STON2: variants seen among roughly 807,000 people sequenced by gnomAD.
The protein encoded by STON2 is stonin-2.
STON2 carries 29 observed loss-of-function variants against 65.7 expected under a neutral mutation model. That is an observed-to-expected ratio of 0.44 (90% CI 0.33 to 0.60). STON2 has a LOEUF of 0.60. Among genes scored for constraint, STON2 ranks in the 20% least tolerant of loss-of-function variants. The pLI is 0.03. For synonymous variants in STON2, 404 were observed against 414.2 expected (o/e 0.98, Z 0.30); for missense variants, 1,054 against 1,118.1 (o/e 0.94, Z 0.82).
Position 81,265,090 on chromosome 14 carries a change from T to A in STON2, c.*3324A>T, listed in dbSNP as rs1397965248. The A allele has an allele frequency of 6.2e-5, 61 of 981,446 alleles. No homozygotes were observed. The highest frequency in any genetic ancestry group is 2.4e-4 in the South Asian group (5 of 21,184). The allele number at this position is 981,446 out of a possible 1,614,324, so 60.8% of individuals were successfully genotyped here. Reference sequence around the variant, plus strand: ...TATTTGTGACCACAAAAAAAAAAAATAAAAAGTCCAGGTCCAGGGTTGCAA... The same window carrying A: ...TATTTGTGACCACAAAAAAAAAAAAAAAAAAGTCCAGGTCCAGGGTTGCAA... On this transcript the variant is annotated 3_prime_UTR_variant, in exon 8 of 8. Coordinates refer to ENST00000614646, the MANE Select transcript of STON2 (RefSeq NM_001394390.1).
At chr14:81,330,323 C>A (rs1463626766) in intron 4 of STON2, among the ~76,000 whole-genome samples, 3 of 152,156 alleles carry the variant, frequency 2.0e-5, no homozygotes, top group African/African-American at 7.2e-5. Flanking sequence ...TCATGGTGGC[C>A]ACTCACAAGC....
chr14:81,413,190 T>C, intron 2 of STON2: 1 of 1,539,504 alleles, frequency 6.5e-7, no homozygotes, highest in Non-Finnish European at 8.7e-7. Flanking sequence ...AAACACTTCA[T>C]CTACTTCTAC....
chr14:81,355,545 G>C (rs1223706073), intron 4 of STON2, among the ~76,000 whole-genome samples: 1 of 152,098 alleles, frequency 6.6e-6, no homozygotes, highest in African/African-American at 2.4e-5. Flanking sequence ...GTTCAACAAA[G>C]CTGCCTCTGA....
At chr14:81,281,402 C>T (rs1388195593) in intron 5 of STON2, among the ~76,000 whole-genome samples, 1 of 152,156 alleles carries the variant, frequency 6.6e-6, no homozygotes, top group African/African-American at 2.4e-5. Flanking sequence ...GAAAGGGGTA[C>T]ATCTCAAAAC....
In STON2 at chr14:81,314,264, C is replaced by T. The variant is rs145155693; in HGVS notation, c.742+9753G>A. ...GGTGCCCAACCCAGTGCCCTTTTGA[C>T]TACACTGGCACAAGAACGGCAGTTT... On this transcript the variant is annotated intron_variant, in intron 5 of 7. Coordinates refer to ENST00000614646, the MANE Select transcript of STON2 (RefSeq NM_001394390.1). 4.0e-4 allele frequency among the ~76,000 whole-genome samples: 61 copies of T among 152,336 alleles called. 1 individual carries two copies. In the South Asian group the frequency reaches 0.011, roughly 27 times the overall value.
intron 4 of STON2, among the ~76,000 whole-genome samples, chr14:81,351,349 G>A (rs1898017272): frequency 6.6e-6 from 1 of 152,030 alleles, no homozygotes; most frequent in African/African-American, 2.4e-5. Context: ...TATTGCCCTG[G>A]AGGACTGAAG....
intron 4 of STON2, among the ~76,000 whole-genome samples, chr14:81,328,709 T>C (rs76967813): frequency 0.012 from 1,886 of 152,230 alleles, 36 homozygotes; most frequent in African/African-American, 0.043. Context: ...GGATGCCTCA[T>C]GAACAGATCA....
chr14:81,300,770 T>C (rs1895940068), intron 5 of STON2, among the ~76,000 whole-genome samples: 1 of 152,140 alleles, frequency 6.6e-6, no homozygotes, highest in African/African-American at 2.4e-5. Flanking sequence ...TTAAAAATGG[T>C]TTAAATGATA....
intron 4 of STON2, among the ~76,000 whole-genome samples, chr14:81,350,051 A>T (rs946057179): frequency 9.9e-5 from 15 of 152,152 alleles, no homozygotes; most frequent in Non-Finnish European, 2.1e-4. Context: ...TAGTGAGTAG[A>T]ATCACAGTTA....
intron 5 of STON2, among the ~76,000 whole-genome samples, chr14:81,310,471 T>G (rs1896379348): frequency 6.6e-6 from 1 of 152,174 alleles, no homozygotes; most frequent in Admixed American, 6.5e-5. Flanking sequence ...CCCCATTCAA[T>G]GTGGTCAACA....
chr14:81,359,084 A>G (rs779686377), intron 4 of STON2, among the ~76,000 whole-genome samples: 2 of 152,218 alleles, frequency 1.3e-5, no homozygotes, highest in Non-Finnish European at 2.9e-5. Context: ...GCAACAGAAT[A>G]TACATTCTTC....
intron 3 of STON2, among the ~76,000 whole-genome samples, chr14:81,376,229 TA>T (rs1483724452): frequency 6.6e-6 from 1 of 151,638 alleles, no homozygotes; most frequent in African/African-American, 2.4e-5. Context: ...AATACACAGA[TA>T]AAATGTTCTT....
At chr14:81,386,947 G>A (rs1569011) in intron 3 of STON2, among the ~76,000 whole-genome samples, 87,590 of 151,926 alleles carry the variant, frequency 0.58, 27,402 homozygotes, top group African/African-American at 0.82. Context: ...ATGATAGATG[G>A]GCTGACTGCT....
chr14:81,332,194 G>C (rs959759934), intron 4 of STON2, among the ~76,000 whole-genome samples: 1 of 152,104 alleles, frequency 6.6e-6, no homozygotes, highest in South Asian at 2.1e-4. Flanking sequence ...GGCACTTTTC[G>C]GGCCAGATCT....
At chr14:81,377,440 G>A (rs1414177560) in intron 3 of STON2, among the ~76,000 whole-genome samples, 4 of 152,046 alleles carry the variant, frequency 2.6e-5, no homozygotes, top group East Asian at 3.9e-4. Flanking sequence ...GCTGTTTTTG[G>A]TTCTTAGCTA....
intron 5 of STON2, among the ~76,000 whole-genome samples, chr14:81,301,221 T>G (rs1336109565): frequency 2.0e-5 from 3 of 152,182 alleles, no homozygotes; most frequent in Non-Finnish European, 4.4e-5. Context: ...CATTCAATAT[T>G]TATTGAACAT....
At chr14:81,343,045 G>A (rs955005269) in intron 4 of STON2, among the ~76,000 whole-genome samples, 1 of 152,136 alleles carries the variant, frequency 6.6e-6, no homozygotes, top group Non-Finnish European at 1.5e-5. Flanking sequence ...GCTTCCTCCA[G>A]GAATATCATC....
chr14:81,406,309 G>T (rs1225835553), intron 2 of STON2, among the ~76,000 whole-genome samples: 2 of 152,170 alleles, frequency 1.3e-5, no homozygotes, highest in East Asian at 1.9e-4. Flanking sequence ...CACAGGGCTT[G>T]GTTCTAGGCT....
chr14:81,347,368 T>C (rs1269033412), intron 4 of STON2, among the ~76,000 whole-genome samples: 1 of 151,760 alleles, frequency 6.6e-6, no homozygotes, highest in African/African-American at 2.4e-5. Context: ...CTACCAATAG[T>C]GAACAAGGAA....
Sources: allele counts gnomAD v4.1 joint callset (sites outside exome capture counted in the v4.1 genomes callset), GRCh38; gene constraint gnomAD v4.1.1; transcripts MANE v1.5; gene names NCBI Gene and HGNC (gene_info 2026-07-23, HGNC 2026-07-21).